Variants in P2RX2 observed in about 807,000 individuals in gnomAD.
P2RX2 encodes the protein purinergic receptor P2X 2.
P2RX2 carries 50 observed loss-of-function variants against 54.8 expected under a neutral mutation model. The observed-to-expected ratio is 0.91, with a 90% confidence interval of 0.73 to 1.15. P2RX2 has a LOEUF of 1.15. Among genes scored for constraint, P2RX2 ranks in the 50% most tolerant of loss-of-function variants. The pLI, the probability that P2RX2 is intolerant of heterozygous loss-of-function variation, is 0.00. For synonymous variants in P2RX2, 289 were observed against 259.4 expected, an observed-to-expected ratio of 1.11 and a Z score of -1.09; for missense variants, 658 against 633.2, an observed-to-expected ratio of 1.04 and a Z score of -0.42.
At chr12:132,619,108 AGGGGCT>A (rs1161763323) in intron 1 of P2RX2, 119 bp downstream of exon 1, 447 of 10,098 alleles carry the variant, frequency 0.044, 89 homozygotes, top group East Asian at 0.15. Flanking sequence ...GGCGCGGGGC[AGGGGCT>A]GGGGCTGGGA....
Position 132,620,114 on chromosome 12 carries a change from C to A in P2RX2, c.554+18C>A, listed in dbSNP as rs1427428969. On this transcript the variant is annotated intron_variant, in intron 5 of 10. Transcript: ENST00000643471. ...TCTGTCAGGTGCACCTGCGCCCCGG[C>A]CTGGGGCCCAGCCTCCCCTCTGATC... The A allele has an allele frequency of 2.6e-6, 4 of 1,551,484 alleles. No homozygotes were observed. Among genetic ancestry groups the A allele is most frequent in the African/African-American group, 1.4e-5 (1 of 73,578 alleles).
At position 132,618,873 on chromosome 12, in the gene P2RX2, G is replaced by A; in HGVS notation, c.57G>A (p.Arg19=). 1 of 1,376,802 alleles carries A rather than the reference G, an allele frequency of 7.3e-7. No homozygotes were observed. Among genetic ancestry groups the A allele is most frequent in the Non-Finnish European group, 9.5e-7 (1 of 1,058,030 alleles). The allele number at this position is 1,376,802 out of a possible 1,614,324, so 85.3% of individuals were successfully genotyped here. Residue 19 remains arginine (R), a synonymous_variant, in exon 1 of 11, where the codon CGG becomes CGA. Transcript: ENST00000643471. The part of the protein sequence containing the change: ...PAGATARRLA[R]GCWSALWDYE... ...GGGCGACCGCCCGGCGCCTGGCCCG[G>A]GGCTGCTGGTCCGCCCTCTGGGACT...
rs201474543 is a variant in P2RX2 at position 132,621,313 on chromosome 12, G to A, written c.964G>A (p.Gly322Arg). Residue 322 changes from glycine to arginine, a missense_variant, in exon 9 of 11, where the codon GGG (glycine) becomes AGG (arginine). Physicochemically the swap from Gly to Arg is moderately radical, Grantham distance 125. Coordinates refer to ENST00000643471, the MANE Select transcript of P2RX2 (RefSeq NM_170682.4). ...CACCCGCACGCTCATCAAGGCCTAC[G>A]GGATCCGCATTGACGTCATTGTGCA... The part of the protein sequence containing the change: ...TTTRTLIKAY[G>R]IRIDVIVHGQ... The A allele has an allele frequency of 2.1e-4, 331 of 1,614,040 alleles. 2 individuals carry two copies. Among genetic ancestry groups the A allele is most frequent in the Middle Eastern group, 1.3e-3 (8 of 6,062 alleles).
Position 132,620,490 on chromosome 12 carries a change from G to A in P2RX2, c.681G>A (p.Thr227=), listed in dbSNP as rs750688791. ...CAGACGGGTACCTGAAGCGCTGCAC[G>A]TTCCACGAGGCCTCCGACCTCTACT... The part of the protein sequence containing the change: ...DRTDGYLKRC[T]FHEASDLYCP... Residue 227 remains threonine (T), a synonymous_variant, in exon 7 of 11, where the codon ACG becomes ACA. Coordinates refer to ENST00000643471, the MANE Select transcript of P2RX2 (RefSeq NM_170682.4). 1 of 1,614,018 alleles carries A rather than the reference G, an allele frequency of 6.2e-7. No individual in the cohort carries two copies.
In P2RX2 at chr12:132,621,346, G is replaced by C. The variant is rs1469144125; in HGVS notation, c.996+1G>C. 3 of 1,613,828 alleles carry C rather than the reference G, an allele frequency of 1.9e-6. No individual in the cohort carries two copies. Among genetic ancestry groups the C allele is most frequent in the African/African-American group, 1.3e-5 (1 of 74,908 alleles). ...CATTGACGTCATTGTGCATGGACAG[G>C]TGCCTGCACCTGCTGGGGGTGGGTG... On this transcript the variant is annotated splice_donor_variant, in intron 9 of 10. Coordinates refer to ENST00000643471, the MANE Select transcript of P2RX2 (RefSeq NM_170682.4). LOFTEE classifies it high-confidence loss of function.
rs1417574355 is a variant in P2RX2, at chr12:132,621,477, C to T, written c.999C>T (p.Ala333=). Residue 333 remains alanine (A), a splice_region_variant and synonymous_variant, in exon 10 of 11, where the codon GCC becomes GCT. Coordinates refer to ENST00000643471, the MANE Select transcript of P2RX2 (RefSeq NM_170682.4). ...IRIDVIVHGQ[A]GKFSLIPTII... ...ACCACGACCCCCATTCTCCCCAGGC[C>T]GGGAAGTTCAGCCTGATTCCCACCA... 1.0e-5 allele frequency: 16 copies of T among 1,565,790 alleles called. No homozygotes were observed. Among genetic ancestry groups the T allele is most frequent in the Middle Eastern group, 1.7e-4 (1 of 5,806 alleles).
Position 132,622,053 on chromosome 12 carries a change from GGGCACCTCAGTAGC to G in P2RX2, c.*84_*97del. 3 of 1,593,546 alleles carry G rather than the reference GGGCACCTCAGTAGC, an allele frequency of 1.9e-6. No individual in the cohort carries two copies. The highest frequency in any genetic ancestry group is 2.3e-5 in the South Asian group (2 of 87,912). On this transcript the variant is annotated 3_prime_UTR_variant, in exon 11 of 11. Coordinates refer to ENST00000643471, the MANE Select transcript of P2RX2 (RefSeq NM_170682.4). Reference sequence around the variant, plus strand: ...CAGCTAGGGACCTGCACGTGGACGTGGGCACCTCAGTAGCGGAGCATCTCCACGAAACGGGGCAC... The same window carrying G: ...CAGCTAGGGACCTGCACGTGGACGTGGGAGCATCTCCACGAAACGGGGCAC...
In P2RX2 at chr12:132,621,983, A is replaced by C; in HGVS notation, c.*11A>C. 2 of 1,613,446 alleles carry C rather than the reference A, an allele frequency of 1.2e-6. No homozygotes were observed. The highest frequency in any genetic ancestry group is 3.3e-4 in the Middle Eastern group (2 of 6,058). The stretch of plus-strand genomic sequence containing the variant: ...TTGGCTCAACTCTGAGCTCCTTTCC[A>C]TCTCACTGGACTGCAGACCCGGCCT... On this transcript the variant is annotated 3_prime_UTR_variant, in exon 11 of 11. Coordinates refer to ENST00000643471, the MANE Select transcript of P2RX2 (RefSeq NM_170682.4).
intron 5 of P2RX2, 71 bp from the exon 6 acceptor site, chr12:132,620,196 G>A: frequency 2.0e-6 from 3 of 1,516,222 alleles, no homozygotes; most frequent in South Asian, 2.3e-5. Context: ...ATCTGGGGAG[G>A]GGTGGGGGCC....
At chr12:132,619,224 C>CGGGGG (rs1453224005) in intron 1 of P2RX2, among the ~76,000 whole-genome samples, 1 of 40,704 alleles carries the variant, frequency 2.5e-5, no homozygotes, top group African/African-American at 1.2e-4. Flanking sequence ...GGGCTGGAGG[C>CGGGGG]GCGGGGCTGG....
At position 132,622,080 on chromosome 12, in the gene P2RX2, C is replaced by A; in HGVS notation, c.*108C>A. 1.3e-6 allele frequency: 2 copies of A among 1,552,440 alleles called. No homozygotes were observed. The highest frequency in any genetic ancestry group is 1.7e-6 in the Non-Finnish European group (2 of 1,154,422). On this transcript the variant is annotated 3_prime_UTR_variant, in exon 11 of 11. Transcript: ENST00000643471. ...GCACCTCAGTAGCGGAGCATCTCCA[C>A]GAAACGGGGCACCACAGGATCCCTG...
In P2RX2 at chr12:132,620,047, A is replaced by C. The variant is rs1470098705; in HGVS notation, c.505A>C (p.Thr169Pro). ...CVPYYQGPSK[T>P]CEVFGWCPVE... ...GCCCTATTACCAGGGGCCCTCCAAG[A>C]CCTGCGAGGTGTTCGGCTGGTGCCC... The change falls in exon 5 of 11, where the codon ACC becomes CCC. Residue 169 changes from threonine to proline, a missense_variant. Physicochemically the swap from Thr to Pro is conservative, Grantham distance 38 (BLOSUM62 -1). Coordinates refer to ENST00000643471, the MANE Select transcript of P2RX2 (RefSeq NM_170682.4). 6.3e-7 allele frequency: 1 copy of C among 1,590,080 alleles called. No individual in the cohort carries two copies. Among genetic ancestry groups the C allele is most frequent in the Non-Finnish European group, 8.5e-7 (1 of 1,169,802 alleles).
At position 132,621,836 on chromosome 12, in the gene P2RX2, CAG is replaced by C. The variant is rs771040029; in HGVS notation, c.1283_1284del (p.Glu428ValfsTer18). 4.3e-6 allele frequency: 7 copies of C among 1,611,622 alleles called. No individual in the cohort carries two copies. The highest frequency in any genetic ancestry group is 3.3e-5 in the South Asian group (3 of 90,806). ...TCAGGCCAGGAGGGCCAACAAGGGG[CAG>C]AGTGTGGCCCAGCCTTCCCGCCCCT... On this transcript the variant is annotated frameshift_variant, in exon 11 of 11. Transcript: ENST00000643471. LOFTEE classifies it high-confidence loss of function.
In P2RX2 at chr12:132,618,871, C is replaced by T; in HGVS notation, c.55C>T (p.Arg19Trp). 7.3e-7 allele frequency: 1 copy of T among 1,375,958 alleles called. No individual in the cohort carries two copies. 85.2% of individuals were successfully genotyped at this position (1,375,958 alleles called of 1,614,324 possible). Residue 19 changes from arginine to tryptophan, a missense_variant, in exon 1 of 11, where the codon CGG (arginine) becomes TGG (tryptophan). Coordinates refer to ENST00000643471, the MANE Select transcript of P2RX2 (RefSeq NM_170682.4). Reference sequence around the variant, plus strand: ...CGGGGCGACCGCCCGGCGCCTGGCCCGGGGCTGCTGGTCCGCCCTCTGGGA... The same window carrying T: ...CGGGGCGACCGCCCGGCGCCTGGCCTGGGGCTGCTGGTCCGCCCTCTGGGA... ...PAGATARRLA[R>W]GCWSALWDYE...
chr12:132,621,298 CTCA>C lies in P2RX2; in HGVS notation c.953_955del (p.Ile318del), dbSNP rs1478288639. ...GATCAATGGCACCACCACCCGCACG[CTCA>C]TCAAGGCCTACGGGATCCGCATTGA... On this transcript the variant is annotated inframe_deletion, in exon 9 of 11. Coordinates refer to ENST00000643471, the MANE Select transcript of P2RX2 (RefSeq NM_170682.4). 1.2e-6 allele frequency: 2 copies of C among 1,613,948 alleles called. No individual in the cohort carries two copies. The highest frequency in any genetic ancestry group is 1.7e-6 in the Non-Finnish European group (2 of 1,179,994).
rs1431016095 is a variant in P2RX2, at chr12:132,621,098, A to G, written c.872A>G (p.Lys291Arg). ...TACTCCTTCCGGAGGCTTGACCCCA[A>G]GCACGTGCCTGCCTCGTCAGGCTAC... ...PKYSFRRLDP[K>R]HVPASSGYNF... is the part of the protein sequence containing the mutation. Residue 291 changes from lysine (K) to arginine (R), a missense_variant, in exon 8 of 11, where the codon AAG becomes AGG. Coordinates refer to ENST00000643471, the MANE Select transcript of P2RX2 (RefSeq NM_170682.4). The G allele has an allele frequency of 3.7e-6, 6 of 1,614,088 alleles. No homozygotes were observed. The highest frequency in any genetic ancestry group is 5.1e-6 in the Non-Finnish European group (6 of 1,180,002).
chr12:132,620,903 G>T, intron 7 of P2RX2, 98 bp from the exon 8 acceptor site: 1 of 175,328 alleles, frequency 5.7e-6, no homozygotes, highest in East Asian at 9.4e-4. Context: ...CCTCTCGTGT[G>T]CCCTTGTGAC....
At chr12:132,619,615 A>G in intron 2 of P2RX2, 41 bp downstream of exon 2, 1 of 1,590,438 alleles carries the variant, frequency 6.3e-7, no homozygotes, top group Non-Finnish European at 8.6e-7. Context: ...CGTGCACCCT[A>G]CCCTAGTGGG....
chr12:132,621,180 G>A, intron 8 of P2RX2, 49 bp downstream of exon 8: 16 of 1,613,952 alleles, frequency 9.9e-6, no homozygotes, highest in Non-Finnish European at 1.4e-5. Context: ...CTGTGGTGGG[G>A]TCCCGAGAGG....
Sources: gnomAD v4.1 joint callset for allele counts (sites outside exome capture counted in the v4.1 genomes callset) on GRCh38, gnomAD v4.1.1 for gene constraint, MANE v1.5 for transcripts, NCBI Gene and HGNC (gene_info 2026-07-23, HGNC 2026-07-21) for gene names.